Variants in BBS9 observed in about 807,000 individuals in gnomAD.
BBS9 encodes protein PTHB1.
Under a neutral mutation model 117.7 loss-of-function variants are expected in BBS9, and 89 were observed. The observed-to-expected ratio is 0.76, with a 90% confidence interval of 0.64 to 0.90. BBS9 has a LOEUF of 0.90. BBS9 is among the 40% of genes least tolerant of loss of function. BBS9 has a pLI of 0.00. For missense variants in BBS9, 982 were observed against 1,042.2 expected, an observed-to-expected ratio of 0.94 and a Z score of 0.80; for synonymous variants, 379 against 370.9, an observed-to-expected ratio of 1.02 and a Z score of -0.25.
chr7:33,208,320 TAAAC>T (rs1326171527), intron 5 of BBS9, among the ~76,000 whole-genome samples: 2 of 152,228 alleles, frequency 1.3e-5, no homozygotes, highest in African/African-American at 4.8e-5. Flanking sequence ...TTCCCTATGA[TAAAC>T]AAACCTCTGT....
intron 21 of BBS9, among the ~76,000 whole-genome samples, chr7:33,630,579 A>G (rs891496767): frequency 1.1e-4 from 16 of 152,242 alleles, no homozygotes; most frequent in African/African-American, 2.9e-4. Context: ...CATGTTTTCT[A>G]TGAGTTAGAT....
intron 10 of BBS9, among the ~76,000 whole-genome samples, chr7:33,338,493 G>C (rs1815841042): frequency 6.6e-6 from 1 of 152,096 alleles, no homozygotes; most frequent in Admixed American, 6.6e-5. Flanking sequence ...TCATAGCCTT[G>C]TGGGTTATGT....
chr7:33,238,913 A>G (rs1160070132), intron 5 of BBS9, among the ~76,000 whole-genome samples: 1 of 152,188 alleles, frequency 6.6e-6, no homozygotes, highest in Non-Finnish European at 1.5e-5. Flanking sequence ...AATTGTTTCT[A>G]ATATTTTGCT....
At chr7:33,559,696 A>C (rs1383905364) in intron 21 of BBS9, among the ~76,000 whole-genome samples, 1 of 152,160 alleles carries the variant, frequency 6.6e-6, no homozygotes, top group African/African-American at 2.4e-5. Context: ...TGATCTGATC[A>C]TATCCCTCTA....
intron 5 of BBS9, among the ~76,000 whole-genome samples, chr7:33,251,311 C>T (rs1796182585): frequency 6.6e-6 from 1 of 152,134 alleles, no homozygotes; most frequent in Admixed American, 6.5e-5. Flanking sequence ...AGTTCCAGCT[C>T]AAATTAGGGA....
chr7:33,553,967 G>T (rs902528300), intron 21 of BBS9, among the ~76,000 whole-genome samples: 1 of 152,072 alleles, frequency 6.6e-6, no homozygotes, highest in Non-Finnish European at 1.5e-5. Flanking sequence ...TGTGGTGGAG[G>T]CTACTTTCGA....
At chr7:33,185,360 T>G (rs529458833) in intron 5 of BBS9, among the ~76,000 whole-genome samples, 14 of 151,838 alleles carry the variant, frequency 9.2e-5, no homozygotes, top group African/African-American at 3.4e-4. Flanking sequence ...AAGCTATGAA[T>G]GAACATCTTT....
chr7:33,531,947 T>A (rs1015102277), intron 20 of BBS9, among the ~76,000 whole-genome samples: 7 of 152,222 alleles, frequency 4.6e-5, no homozygotes, highest in African/African-American at 1.7e-4. Flanking sequence ...TGGTTTTATA[T>A]CTCACCATCT....
intron 20 of BBS9, among the ~76,000 whole-genome samples, chr7:33,517,852 T>G (rs2129036846): frequency 6.6e-6 from 1 of 152,326 alleles, no homozygotes; most frequent in East Asian, 1.9e-4. Flanking sequence ...GATGAGTGCC[T>G]GATCATACTG....
At chr7:33,565,304 T>G (rs1256617392) in intron 21 of BBS9, among the ~76,000 whole-genome samples, 3 of 152,128 alleles carry the variant, frequency 2.0e-5, no homozygotes, top group Non-Finnish European at 4.4e-5. Context: ...GAGCCATTCC[T>G]ATGTTTGCTT....
intron 5 of BBS9, among the ~76,000 whole-genome samples, chr7:33,195,413 T>C (rs1192859509): frequency 6.6e-6 from 1 of 152,168 alleles, no homozygotes; most frequent in African/African-American, 2.4e-5. Context: ...GCATGGGTTA[T>C]TGTGGTCACT....
intron 4 of BBS9, among the ~76,000 whole-genome samples, chr7:33,166,549 A>G (rs1795721310): frequency 1.3e-5 from 2 of 152,138 alleles, no homozygotes; most frequent in Non-Finnish European, 2.9e-5. Context: ...TTGTTTACCT[A>G]CTCAAGCCTC....
At chr7:33,598,381 A>T (rs1299205507) in intron 21 of BBS9, among the ~76,000 whole-genome samples, 1 of 152,202 alleles carries the variant, frequency 6.6e-6, no homozygotes, top group Non-Finnish European at 1.5e-5. Context: ...GTGAGAAATT[A>T]TCATGACCAA....
intron 19 of BBS9, among the ~76,000 whole-genome samples, chr7:33,460,819 C>T (rs1839355046): frequency 6.6e-6 from 1 of 152,008 alleles, no homozygotes; most frequent in African/African-American, 2.4e-5. Context: ...ATGATCTCTA[C>T]ACCTATCTAG....
chr7:33,348,086 A>G (rs1249718302), intron 12 of BBS9, among the ~76,000 whole-genome samples: 1 of 152,138 alleles, frequency 6.6e-6, no homozygotes, highest in Non-Finnish European at 1.5e-5. Context: ...TGCAACTATC[A>G]CCACAATTTA....
intron 9 of BBS9, among the ~76,000 whole-genome samples, chr7:33,289,185 A>G (rs1440150555): frequency 6.6e-6 from 1 of 152,204 alleles, no homozygotes. Context: ...AAACACCTGG[A>G]AAAACCAGAA....
At chr7:33,250,284 A>G (rs1453426866) in intron 5 of BBS9, among the ~76,000 whole-genome samples, 1 of 152,190 alleles carries the variant, frequency 6.6e-6, no homozygotes, top group Non-Finnish European at 1.5e-5. Flanking sequence ...TGCTGTTTAA[A>G]TGTTTAACAG....
intron 5 of BBS9, among the ~76,000 whole-genome samples, chr7:33,183,338 G>GA (rs1415638424): frequency 1.3e-5 from 2 of 150,818 alleles, no homozygotes; most frequent in East Asian, 1.9e-4. Context: ...TGACTGAGAA[G>GA]AAAAAACCCC....
At chr7:33,351,375 A>C (rs746532382) in intron 14 of BBS9, 52 bp downstream of exon 14, 1 of 1,177,104 alleles carries the variant, frequency 8.5e-7, no homozygotes, top group South Asian at 1.2e-5. Context: ...TATGAGTAAA[A>C]TGCTTATGCA....
Sources: allele counts gnomAD v4.1 joint callset (sites outside exome capture counted in the v4.1 genomes callset), GRCh38; gene constraint gnomAD v4.1.1; transcripts MANE v1.5; gene names NCBI Gene and HGNC (gene_info 2026-07-23, HGNC 2026-07-21).